SIPA1L1: variants seen among roughly 807,000 people sequenced by gnomAD.
SIPA1L1 encodes the protein signal-induced proliferation-associated 1-like protein 1.
Under a neutral mutation model 162.7 loss-of-function variants are expected in SIPA1L1, and 26 were observed. The ratio of observed to expected loss-of-function variants is 0.16; its 90% CI spans 0.12 to 0.22. SIPA1L1 has a LOEUF of 0.22. SIPA1L1 is among the 10% of genes least tolerant of loss of function. The pLI, the probability that SIPA1L1 is intolerant of heterozygous loss-of-function variation, is 1.00. For missense variants in SIPA1L1, 1,874 were observed against 2,241.0 expected (o/e 0.84, Z 3.31); for synonymous variants, 829 against 837.4 (o/e 0.99, Z 0.17).
chr14:71,651,744 G>A (rs757425267), intron 8 of SIPA1L1, among the ~76,000 whole-genome samples: 62 of 152,178 alleles, frequency 4.1e-4, no homozygotes, highest in Non-Finnish European at 8.7e-4. Context: ...CAGACTGGGA[G>A]TTGATAAGAT....
intron 16 of SIPA1L1, 38 bp downstream of exon 16, chr14:71,705,378 T>TA: frequency 7.2e-7 from 1 of 1,396,262 alleles, no homozygotes; most frequent in Admixed American, 1.7e-5. Context: ...ATTAGATTCC[T>TA]AGCAGTGTAC....
chr14:71,718,765 C>T (rs922429153), intron 17 of SIPA1L1, among the ~76,000 whole-genome samples: 9 of 152,230 alleles, frequency 5.9e-5, no homozygotes, highest in African/African-American at 2.2e-4. Context: ...GTCTTTAAGT[C>T]AACATTATGT....
Position 71,740,644 on chromosome 14 carries a change from C to G in SIPA1L1, c.*1483C>G, listed in dbSNP as rs2085685162. On this transcript the variant is annotated 3_prime_UTR_variant, in exon 24 of 24. Coordinates refer to ENST00000381232, the MANE Select transcript of SIPA1L1 (RefSeq NM_001386936.1). ...CAGGATGGATTTTCCTCTCTTCTCC[C>G]TGCTACATTCACTACCAGATTTTTA... is the stretch of plus-strand genomic sequence containing the variant. The G allele has an allele frequency of 6.6e-6, 1 of 152,210 alleles. No individual in the cohort carries two copies. The highest frequency in any genetic ancestry group is 2.4e-5 in the African/African-American group (1 of 41,442). 9.4% of individuals were successfully genotyped at this position (152,210 alleles called of 1,614,324 possible). A position where few individuals can be genotyped will look rare whatever the true frequency, so the allele number is the denominator to read the frequency against.
intron 4 of SIPA1L1, among the ~76,000 whole-genome samples, chr14:71,542,302 TTCC>T (rs527397777): frequency 2.8e-4 from 42 of 148,886 alleles, no homozygotes; most frequent in African/African-American, 9.6e-4. Context: ...TCTTCTCCTC[TTCC>T]TCCTCCTCCT....
chr14:71,554,246 T>A (rs941127294), intron 4 of SIPA1L1, among the ~76,000 whole-genome samples: 3 of 152,206 alleles, frequency 2.0e-5, no homozygotes, highest in Admixed American at 6.5e-5. Flanking sequence ...CCTTCAAATG[T>A]TAATTTAAGG....
intron 5 of SIPA1L1, among the ~76,000 whole-genome samples, chr14:71,618,307 C>T (rs71427118): frequency 6.6e-6 from 1 of 152,216 alleles, no homozygotes; most frequent in African/African-American, 2.4e-5. Flanking sequence ...ATCTCTCTCT[C>T]CAATCCAGGG....
At chr14:71,664,186 T>A (rs982627953) in intron 10 of SIPA1L1, among the ~76,000 whole-genome samples, 1 of 152,132 alleles carries the variant, frequency 6.6e-6, no homozygotes, top group African/African-American at 2.4e-5. Context: ...AGTTTTCAGA[T>A]AAAACATGGG....
intron 12 of SIPA1L1, among the ~76,000 whole-genome samples, chr14:71,677,762 T>C (rs902650073): frequency 1.3e-5 from 2 of 152,214 alleles, no homozygotes; most frequent in Non-Finnish European, 2.9e-5. Context: ...TTTGTCAAGT[T>C]TGTCAAAGAT....
intron 4 of SIPA1L1, among the ~76,000 whole-genome samples, chr14:71,557,836 A>G (rs891114942): frequency 6.6e-6 from 1 of 152,222 alleles, no homozygotes. Flanking sequence ...GATAACTGCT[A>G]TATTTCTAAT....
At chr14:71,454,554 AT>A (rs1373156238) in intron 2 of SIPA1L1, among the ~76,000 whole-genome samples, 1 of 152,188 alleles carries the variant, frequency 6.6e-6, no homozygotes, top group African/African-American at 2.4e-5. Context: ...CAAAGAGGTG[AT>A]TTTTTTAATT....
At chr14:71,347,459 G>A (rs566926942) in intron 2 of SIPA1L1, among the ~76,000 whole-genome samples, 2 of 152,250 alleles carry the variant, frequency 1.3e-5, no homozygotes, top group East Asian at 1.9e-4. Context: ...CTTTGCAGGT[G>A]TAAGTTTTAA....
At chr14:71,667,165 C>T (rs1174431596) in intron 10 of SIPA1L1, among the ~76,000 whole-genome samples, 4 of 152,144 alleles carry the variant, frequency 2.6e-5, no homozygotes, top group South Asian at 4.1e-4. Flanking sequence ...CCATGCCTAC[C>T]TCACTCCTTT....
intron 2 of SIPA1L1, among the ~76,000 whole-genome samples, chr14:71,406,967 CGCGGTG>C (rs2042068612): frequency 6.6e-6 from 1 of 152,138 alleles, no homozygotes; most frequent in Admixed American, 6.5e-5. Flanking sequence ...AGTAGCTGGG[CGCGGTG>C]GCTCACACCT....
intron 2 of SIPA1L1, among the ~76,000 whole-genome samples, chr14:71,418,549 G>A (rs1341787757): frequency 6.6e-6 from 1 of 152,136 alleles, no homozygotes; most frequent in East Asian, 1.9e-4. Flanking sequence ...TGAAGACCTG[G>A]CTTCTGAGAC....
At chr14:71,623,421 T>C (rs1208357412) in intron 6 of SIPA1L1, among the ~76,000 whole-genome samples, 1 of 152,220 alleles carries the variant, frequency 6.6e-6, no homozygotes, top group East Asian at 1.9e-4. Flanking sequence ...GGAAAATGTC[T>C]TTGCTTAAGG....
chr14:71,481,076 A>C (rs2048318996), intron 2 of SIPA1L1, among the ~76,000 whole-genome samples: 1 of 152,258 alleles, frequency 6.6e-6, no homozygotes. Flanking sequence ...ACTTTAAAAA[A>C]TGTCTAATTT....
intron 2 of SIPA1L1, among the ~76,000 whole-genome samples, chr14:71,338,809 G>A (rs1424604284): frequency 6.6e-6 from 1 of 151,164 alleles, no homozygotes; most frequent in African/African-American, 2.4e-5. Flanking sequence ...GTGTGATCTC[G>A]GCTCACTGCA....
intron 5 of SIPA1L1, among the ~76,000 whole-genome samples, chr14:71,595,651 C>T (rs1000730736): frequency 3.9e-5 from 6 of 152,212 alleles, no homozygotes; most frequent in African/African-American, 1.4e-4. Context: ...CTCCTTAGTT[C>T]CGGCTGCATT....
intron 2 of SIPA1L1, among the ~76,000 whole-genome samples, chr14:71,433,005 G>A (rs529780631): frequency 6.6e-6 from 1 of 152,170 alleles, no homozygotes; most frequent in Non-Finnish European, 1.5e-5. Context: ...TGCTTAGAGT[G>A]TGAATGGAAA....
Sources: gnomAD v4.1 joint callset for allele counts (sites outside exome capture counted in the v4.1 genomes callset) on GRCh38, gnomAD v4.1.1 for gene constraint, MANE v1.5 for transcripts, NCBI Gene and HGNC (gene_info 2026-07-23, HGNC 2026-07-21) for gene names.